The following MGAT5B variants were observed in gnomAD, a reference collection of about 807,000 sequenced individuals.
MGAT5B encodes the protein N-acetylglucosaminyl-transferase Vb.
A neutral mutation model predicts 95.1 loss-of-function variants in MGAT5B; 54 were observed. The ratio of observed to expected loss-of-function variants is 0.57; its 90% CI spans 0.46 to 0.71. MGAT5B has a LOEUF of 0.71. Among genes scored for constraint, MGAT5B ranks in the 30% least tolerant of loss-of-function variants. MGAT5B has a pLI of 0.00. For missense variants in MGAT5B, 935 were observed against 1,088.6 expected (o/e 0.86, Z 1.99); for synonymous variants, 464 against 451.0 (o/e 1.03, Z -0.36).
intron 8 of MGAT5B, among the ~76,000 whole-genome samples, chr17:76,908,252 T>C (rs1968605219): frequency 6.7e-6 from 1 of 150,342 alleles, no homozygotes. Context: ...TTTCTTTTTT[T>C]CCTTTCTTTC....
At chr17:76,890,885 C>T (rs1240202466) in intron 3 of MGAT5B, among the ~76,000 whole-genome samples, 1 of 150,660 alleles carries the variant, frequency 6.6e-6, no homozygotes, top group African/African-American at 2.4e-5. Context: ...GGAGGATCCT[C>T]TTTTGGGTTA....
At chr17:76,874,339 T>A (rs1347084918) in intron 2 of MGAT5B, among the ~76,000 whole-genome samples, 2 of 151,906 alleles carry the variant, frequency 1.3e-5, no homozygotes, top group East Asian at 3.9e-4. Flanking sequence ...CAGCAAAGCG[T>A]GTTTATGAAA....
At chr17:76,878,202 T>A (rs1302704230) in intron 2 of MGAT5B, among the ~76,000 whole-genome samples, 1 of 152,098 alleles carries the variant, frequency 6.6e-6, no homozygotes, top group African/African-American at 2.4e-5. Context: ...ACCCCCTGCC[T>A]AGTCTTTGGG....
chr17:76,950,010 C>T lies in MGAT5B; in HGVS notation c.*1172C>T, dbSNP rs1970158681. ...ACGCCTGCCCCAGGATGCCCCCTTT[C>T]CCTCCCCCCCATGCCCAGAGCCCCG... On this transcript the variant is annotated 3_prime_UTR_variant, in exon 18 of 18. Coordinates refer to ENST00000569840, the MANE Select transcript of MGAT5B (RefSeq NM_001199172.2). 1 of 150,698 alleles carries T rather than the reference C, an allele frequency of 6.6e-6. No homozygotes were observed. Among genetic ancestry groups the T allele is most frequent in the Non-Finnish European group, 1.5e-5 (1 of 67,736 alleles). The allele number at this position is 150,698 out of a possible 1,614,324, so 9.3% of individuals were successfully genotyped here. A position where few individuals can be genotyped will look rare whatever the true frequency, so the allele number is the denominator to read the frequency against.
chr17:76,929,277 C>T (rs558091510), intron 10 of MGAT5B, among the ~76,000 whole-genome samples: 1 of 152,290 alleles, frequency 6.6e-6, no homozygotes, highest in South Asian at 2.1e-4. Flanking sequence ...CTGCAATATC[C>T]TGCACTGAGA....
intron 2 of MGAT5B, among the ~76,000 whole-genome samples, chr17:76,874,997 G>A (rs923565408): frequency 3.9e-5 from 6 of 152,026 alleles, no homozygotes; most frequent in Non-Finnish European, 1.5e-5. Flanking sequence ...TTTTTAATGG[G>A]GTATCATATA....
rs1477227333 is a variant in MGAT5B, at chr17:76,912,100, A to G, written c.1025+5913A>G. ...CTGTGTCCAGATTTCCCCTCCCTAT[A>G]AGGACCTATTGGATTAGGGCCCACC... is the stretch of plus-strand genomic sequence containing the variant. On this transcript the variant is annotated intron_variant, in intron 8 of 17. Transcript: ENST00000569840. The surrounding 1 kb of genome is among the most constrained non-coding windows in gnomAD (Gnocchi z 5.0). 6.6e-6 allele frequency among the ~76,000 whole-genome samples: 1 copy of G among 152,074 alleles called. No homozygotes were observed. The highest frequency in any genetic ancestry group is 6.5e-5 in the Admixed American group (1 of 15,274).
intron 2 of MGAT5B, among the ~76,000 whole-genome samples, chr17:76,879,144 G>C (rs1476509647): frequency 1.3e-5 from 2 of 152,244 alleles, no homozygotes; most frequent in African/African-American, 4.8e-5. Flanking sequence ...GGGACTGGGA[G>C]CGTGGGGTGT....
At position 76,868,920 on chromosome 17, in the gene MGAT5B, G is replaced by A. The variant is rs1446684088; in HGVS notation, c.-110G>A. 51 of 1,035,954 alleles carry A rather than the reference G, an allele frequency of 4.9e-5. No homozygotes were observed. Among genetic ancestry groups the A allele is most frequent in the Non-Finnish European group, 7.2e-5 (51 of 710,970 alleles). The allele number at this position is 1,035,954 out of a possible 1,614,324, so 64.2% of individuals were successfully genotyped here. A position where few individuals can be genotyped will look rare whatever the true frequency, so the allele number is the denominator to read the frequency against. ...GGGCCGCGCGCTCCCAGCTTCGCTC[G>A]GACGCGGCTTCGGCCCGCAGAGGGT... On this transcript the variant is annotated 5_prime_UTR_variant, in exon 1 of 18. Coordinates refer to ENST00000569840, the MANE Select transcript of MGAT5B (RefSeq NM_001199172.2). This position sits in a 1 kb window ranked among gnomAD's most constrained non-coding sequence, Gnocchi z 6.3.
rs78301677 is a variant in MGAT5B at position 76,885,267 on chromosome 17, C to G, written c.329+2969C>G. 6.6e-3 allele frequency among the ~76,000 whole-genome samples: 998 copies of G among 152,292 alleles called. 9 individuals are homozygous for G. Among genetic ancestry groups the G allele is most frequent in the African/African-American group, 0.023 (953 of 41,566 alleles). ...GCCCTCGGATCCAGCCCCTGCCCCC[C>G]AGCTCCATCTTTCTCCCTCAGATCC... On this transcript the variant is annotated intron_variant, in intron 3 of 17. Transcript: ENST00000569840.
chr17:76,884,313 G>A (rs773307470), intron 3 of MGAT5B, among the ~76,000 whole-genome samples: 2 of 152,192 alleles, frequency 1.3e-5, no homozygotes, highest in African/African-American at 4.8e-5. Context: ...ACTTGGCTTT[G>A]GGTTCAGGCT....
rs966890227 is a variant in MGAT5B at position 76,914,059 on chromosome 17, C to G, written c.1025+7872C>G. The G allele has an allele frequency of 4.3e-6, 1 of 230,972 alleles. No individual in the cohort carries two copies. Among genetic ancestry groups the G allele is most frequent in the Non-Finnish European group, 8.9e-6 (1 of 112,770 alleles). The allele number at this position is 230,972 out of a possible 1,614,324, so 14.3% of individuals were successfully genotyped here. ...GAGGCTACAGTCAGCCGTGATCATGCTACTGCACTCTAGCTTGGGTGACAA... is the reference window on the plus strand; with the variant it reads ...GAGGCTACAGTCAGCCGTGATCATGGTACTGCACTCTAGCTTGGGTGACAA... On this transcript the variant is annotated intron_variant, in intron 8 of 17. Coordinates refer to ENST00000569840, the MANE Select transcript of MGAT5B (RefSeq NM_001199172.2). The surrounding 1 kb of genome is among the most constrained non-coding windows in gnomAD (Gnocchi z 5.1).
At chr17:76,876,882 C>T (rs1021671196) in intron 2 of MGAT5B, among the ~76,000 whole-genome samples, 10 of 152,190 alleles carry the variant, frequency 6.6e-5, no homozygotes, top group Non-Finnish European at 4.4e-5. Flanking sequence ...TCCGGCATTG[C>T]CCCCTCCCAG....
At chr17:76,873,032 T>G (rs916661604) in intron 2 of MGAT5B, 69 bp downstream of exon 2, 31 of 1,561,050 alleles carry the variant, frequency 2.0e-5, no homozygotes, top group Non-Finnish European at 2.6e-5. Flanking sequence ...GAAGTGCCTC[T>G]GAGCCTAGCC....
chr17:76,907,695 T>C (rs582096), intron 8 of MGAT5B, among the ~76,000 whole-genome samples: 20,443 of 152,262 alleles, frequency 0.13, 1,778 homozygotes, highest in African/African-American at 0.22. Flanking sequence ...CCTGATGTAC[T>C]TGTGTAAGTT....
intron 9 of MGAT5B, among the ~76,000 whole-genome samples, chr17:76,925,707 G>A (rs1296066941): frequency 1.1e-4 from 16 of 152,146 alleles, no homozygotes; most frequent in Non-Finnish European, 1.5e-4. Context: ...CTATGCACTC[G>A]GCTCTCTCCT....
Position 76,868,925 on chromosome 17 carries a change from C to A in MGAT5B, c.-105C>A, listed in dbSNP as rs1468504536. The A allele has an allele frequency of 8.2e-6, 9 of 1,096,182 alleles. No individual in the cohort carries two copies. The highest frequency in any genetic ancestry group is 9.2e-6 in the Non-Finnish European group (7 of 757,366). The allele number at this position is 1,096,182 out of a possible 1,614,324, so 67.9% of individuals were successfully genotyped here. A position where few individuals can be genotyped will look rare whatever the true frequency, so the allele number is the denominator to read the frequency against. ...GCGCGCTCCCAGCTTCGCTCGGACG[C>A]GGCTTCGGCCCGCAGAGGGTTCGTG... On this transcript the variant is annotated 5_prime_UTR_variant, in exon 1 of 18. Transcript: ENST00000569840. The surrounding 1 kb of genome is among the most constrained non-coding windows in gnomAD (Gnocchi z 6.3).
At position 76,938,990 on chromosome 17, in the gene MGAT5B, C is replaced by G. The variant is rs1277199223; in HGVS notation, c.1584+847C>G. Reference sequence around the variant, plus strand: ...CACTGCACCTGGCCCCAGGCCCTCTCTTGATCTCACCATAGCTTGTTTCCC... The same window carrying G: ...CACTGCACCTGGCCCCAGGCCCTCTGTTGATCTCACCATAGCTTGTTTCCC... On this transcript the variant is annotated intron_variant, in intron 13 of 17. Transcript: ENST00000569840. This position sits in a 1 kb window ranked among gnomAD's most constrained non-coding sequence, Gnocchi z 4.3. Among the ~76,000 whole-genome samples the G allele has an allele frequency of 2.7e-5, 4 of 150,780 alleles. No homozygotes were observed. The highest frequency in any genetic ancestry group is 2.0e-4 in the Admixed American group (3 of 15,102).
At chr17:76,926,534 A>C in intron 9 of MGAT5B, 63 bp from the exon 10 acceptor site, 1 of 1,526,012 alleles carries the variant, frequency 6.6e-7, no homozygotes, top group Non-Finnish European at 8.8e-7. Context: ...GGCTGGGGCA[A>C]CTTCAGCCCA....
Sources: allele counts gnomAD v4.1 joint callset (sites outside exome capture counted in the v4.1 genomes callset), GRCh38; gene constraint gnomAD v4.1.1; non-coding constraint Gnocchi (gnomAD v3.1); transcripts MANE v1.5; gene names NCBI Gene and HGNC (gene_info 2026-07-23, HGNC 2026-07-21).